Variants in CD44 observed in about 807,000 individuals in gnomAD.
CD44 encodes CD44 molecule (IN blood group).
Under a neutral mutation model 88.8 loss-of-function variants are expected in CD44, and 49 were observed. The ratio of observed to expected loss-of-function variants is 0.55; its 90% confidence interval spans 0.44 to 0.70. CD44 has a LOEUF of 0.70. CD44 is among the 30% of genes least tolerant of loss of function. CD44 has a pLI of 0.00. For synonymous variants in CD44, 325 were observed against 312.3 expected (o/e 1.04, Z -0.43); for missense variants, 883 against 913.8 (o/e 0.97, Z 0.43).
intron 14 of CD44, among the ~76,000 whole-genome samples, chr11:35,214,295 T>C (rs868656506): frequency 6.6e-6 from 1 of 151,992 alleles, no homozygotes; most frequent in Non-Finnish European, 1.5e-5. Flanking sequence ...TTATTTTCAA[T>C]TTTTTTTGAA....
At chr11:35,159,007 C>G (rs1244182466) in intron 1 of CD44, among the ~76,000 whole-genome samples, 1 of 152,138 alleles carries the variant, frequency 6.6e-6, no homozygotes, top group Admixed American at 6.5e-5. Context: ...CCTCCCTCTC[C>G]CATTGCAATT....
At chr11:35,219,885 C>T (rs972458272) in intron 16 of CD44, among the ~76,000 whole-genome samples, 7 of 152,196 alleles carry the variant, frequency 4.6e-5, no homozygotes, top group Admixed American at 2.0e-4. Context: ...GTCGAGGGAC[C>T]GCCTGCTGAT....
intron 1 of CD44, among the ~76,000 whole-genome samples, chr11:35,145,381 C>A (rs1051850143): frequency 1.3e-5 from 2 of 152,120 alleles, no homozygotes; most frequent in Non-Finnish European, 2.9e-5. Context: ...TAAGTGAGAA[C>A]CATGGTGATG....
At position 35,229,254 on chromosome 11, in the gene CD44, C is replaced by T. The variant is rs143428254; in HGVS notation, c.2150C>T (p.Ser717Leu). 1,559 of 1,613,864 alleles carry T rather than the reference C, an allele frequency of 9.7e-4. 3 individuals carry two copies. The highest frequency in any genetic ancestry group is 1.8e-3 in the South Asian group (165 of 91,072). The change falls in exon 18 of 18, where the codon TCG becomes TTG. Residue 717 changes from serine (S) to leucine (L), a missense_variant. This residue lies in a region of CD44 where 631 missense variants were observed against 590.9 expected (regional missense o/e 1.07). Coordinates refer to ENST00000428726, the MANE Select transcript of CD44 (RefSeq NM_000610.4). The part of the protein sequence containing the change: ...QEMVHLVNKE[S>L]SETPDQFMTA... ...ATGGTGCATTTGGTGAACAAGGAGT[C>T]GTCAGAAACTCCAGACCAGTTTATG...
Position 35,193,022 on chromosome 11 carries a change from A to G in CD44, c.667+2957A>G, listed in dbSNP as rs1038148876. 3.9e-5 allele frequency among the ~76,000 whole-genome samples: 6 copies of G among 152,008 alleles called. No individual in the cohort carries two copies. The South Asian group carries it at 1.2e-3, about 32-fold the overall frequency. Reference sequence around the variant, plus strand: ...TGGTGGGAATTATGCATCTTTAATAAAGTTTCTGAGGTGAGAATGTGGTGT... The same window carrying G: ...TGGTGGGAATTATGCATCTTTAATAGAGTTTCTGAGGTGAGAATGTGGTGT... On this transcript the variant is annotated intron_variant, in intron 5 of 17. Transcript: ENST00000428726.
At chr11:35,203,475 T>C (rs181421672) in intron 9 of CD44, among the ~76,000 whole-genome samples, 13 of 152,290 alleles carry the variant, frequency 8.5e-5, no homozygotes, top group Non-Finnish European at 1.0e-4. Flanking sequence ...AGTGGGAGTT[T>C]TGTAAAACTT....
At chr11:35,174,110 C>G (rs1035724104) in intron 1 of CD44, among the ~76,000 whole-genome samples, 2 of 152,214 alleles carry the variant, frequency 1.3e-5, no homozygotes, top group African/African-American at 4.8e-5. Context: ...AATAGGTCCC[C>G]TCTCCTATTG....
At chr11:35,188,306 C>T (rs1486860501) in intron 4 of CD44, among the ~76,000 whole-genome samples, 1 of 152,178 alleles carries the variant, frequency 6.6e-6, no homozygotes, top group African/African-American at 2.4e-5. Flanking sequence ...ATGGCTACGA[C>T]ATGAGATGTG....
intron 2 of CD44, among the ~76,000 whole-genome samples, chr11:35,178,393 C>T (rs1306900679): frequency 6.6e-6 from 1 of 152,206 alleles, no homozygotes; most frequent in Non-Finnish European, 1.5e-5. Context: ...TCAATATTAT[C>T]ACCTCATTTT....
rs75556360 is a variant in CD44, at chr11:35,145,734, T to G, written c.67+6364T>G. Reference sequence around the variant, plus strand: ...CCCACACTCCTCCAACCCCCATGTCTGCTTCTGGAAGGTGGTGGCAGAGGA... The same window carrying G: ...CCCACACTCCTCCAACCCCCATGTCGGCTTCTGGAAGGTGGTGGCAGAGGA... On this transcript the variant is annotated intron_variant, in intron 1 of 17. Transcript: ENST00000428726. Among the ~76,000 whole-genome samples, 760 of 152,310 alleles carry G rather than the reference T, an allele frequency of 5.0e-3. 5 individuals are homozygous for G. The highest frequency in any genetic ancestry group is 0.017 in the African/African-American group (727 of 41,570).
chr11:35,229,515 A>C lies in CD44; in HGVS notation c.*182A>C. On this transcript the variant is annotated 3_prime_UTR_variant, in exon 18 of 18. Transcript: ENST00000428726. ...TTTAAAGTCAGGTCCAATTTGTAAA[A>C]ACAGCATTGCTTTCTGAAATTAGGG... 2 of 567,916 alleles carry C rather than the reference A, an allele frequency of 3.5e-6. No individual in the cohort carries two copies. Among genetic ancestry groups the C allele is most frequent in the African/African-American group, 3.7e-5 (2 of 53,424 alleles). 35.2% of individuals were successfully genotyped at this position (567,916 alleles called of 1,614,324 possible).
At chr11:35,180,122 T>C (rs2133713123) in intron 2 of CD44, 152 bp from the exon 3 acceptor site, 5 of 659,132 alleles carry the variant, frequency 7.6e-6, no homozygotes, top group South Asian at 6.2e-5. Context: ...CTGTTATTTT[T>C]GGATTTCAAA....
In CD44 at chr11:35,204,606, C is replaced by T. The variant is rs1449099089; in HGVS notation, c.1248C>T (p.Pro416=). ...GGCATGAGGGATATCGCCAAACACC[C>T]AAAGAAGACTCCCATTCGACAACAG... ...NRWHEGYRQT[P]KEDSHSTTGT... is the part of the protein sequence containing the mutation. The change falls in exon 10 of 18, where the codon CCC becomes CCT. Residue 416 remains proline, a synonymous_variant. Transcript: ENST00000428726. 1 of 1,613,228 alleles carries T rather than the reference C, an allele frequency of 6.2e-7. No homozygotes were observed. The highest frequency in any genetic ancestry group is 1.3e-5 in the African/African-American group (1 of 74,986).
At chr11:35,194,345 C>T (rs1170444684) in intron 5 of CD44, among the ~76,000 whole-genome samples, 1 of 152,144 alleles carries the variant, frequency 6.6e-6, no homozygotes, top group Non-Finnish European at 1.5e-5. Flanking sequence ...TAGATACAGA[C>T]ATCATATATA....
chr11:35,229,128 G>T lies in CD44; in HGVS notation c.2025-1G>T. 6.2e-7 allele frequency: 1 copy of T among 1,612,452 alleles called. No individual in the cohort carries two copies. The highest frequency in any genetic ancestry group is 8.5e-7 in the Non-Finnish European group (1 of 1,178,898). On this transcript the variant is annotated splice_acceptor_variant, in intron 17 of 17. Coordinates refer to ENST00000428726, the MANE Select transcript of CD44 (RefSeq NM_000610.4). LOFTEE classifies it high-confidence loss of function. ...ATATGGTACATTTTTTAAATTATTAGGTGTGGGCAGAAGAAAAAGCTAGTG... is the reference window on the plus strand; with the variant it reads ...ATATGGTACATTTTTTAAATTATTATGTGTGGGCAGAAGAAAAAGCTAGTG...
chr11:35,221,740 G>T lies in CD44; in HGVS notation c.2024+8G>T. ...AGTCAACAGTCGAAGAAGGTAAGGG[G>T]CTGTCCTGGGGGCTTTCAACTTGGA... On this transcript the variant is annotated splice_region_variant and intron_variant, in intron 17 of 17. Transcript: ENST00000428726. The T allele has an allele frequency of 1.2e-6, 2 of 1,612,978 alleles. No individual in the cohort carries two copies. The highest frequency in any genetic ancestry group is 1.7e-6 in the Non-Finnish European group (2 of 1,178,932).
At chr11:35,193,544 A>G (rs558734390) in intron 5 of CD44, among the ~76,000 whole-genome samples, 26 of 152,170 alleles carry the variant, frequency 1.7e-4, no homozygotes, top group South Asian at 1.2e-3. Context: ...CACTTTTTTG[A>G]GGAAGGAGGA....
At chr11:35,207,954 A>G (rs765354841) in intron 11 of CD44, 151 bp from the exon 12 acceptor site, 13 of 572,276 alleles carry the variant, frequency 2.3e-5, no homozygotes, top group Non-Finnish European at 3.2e-5. Flanking sequence ...ATGAAACAAT[A>G]ATCTATCTCA....
chr11:35,175,759 C>G (rs1396564106), intron 1 of CD44, among the ~76,000 whole-genome samples: 1 of 151,920 alleles, frequency 6.6e-6, no homozygotes, highest in Non-Finnish European at 1.5e-5. Flanking sequence ...TTTACCATGT[C>G]TTTTCTCAGA....
Sources: gnomAD v4.1 joint callset for allele counts (sites outside exome capture counted in the v4.1 genomes callset) on GRCh38, gnomAD v4.1.1 for gene constraint, gnomAD v4.1.1 regional missense constraint, MANE v1.5 for transcripts, NCBI Gene and HGNC (gene_info 2026-07-23, HGNC 2026-07-21) for gene names.